LINGO2: variants seen among roughly 807,000 people sequenced by gnomAD.
LINGO2 encodes the protein leucine rich repeat and Ig domain containing 2, also known as leucine-rich repeat and immunoglobulin-like domain-containing nogo receptor-interacting protein 2.
Under a neutral mutation model 30.6 loss-of-function variants are expected in LINGO2, and 14 were observed. The ratio of observed to expected loss-of-function variants is 0.46; its 90% CI spans 0.30 to 0.72. The LOEUF is 0.72. Among genes scored for constraint, LINGO2 ranks in the 30% least tolerant of loss-of-function variants. The probability of loss-of-function intolerance (pLI) is 0.07; values close to 1 mark genes in which losing one functional copy is unlikely to be tolerated. For synonymous variants in LINGO2, 317 were observed against 288.5 expected (o/e 1.10, Z -1.00); for missense variants, 729 against 751.7 (o/e 0.97, Z 0.35).
the LINGO2 span, among the ~76,000 whole-genome samples, chr9:28,767,542 T>G: frequency 2.0e-5 from 3 of 151,984 alleles, no homozygotes; most frequent in African/African-American, 7.2e-5. Context: ...TCCCAGCACT[T>G]TGGGAGGCCG....
At chr9:29,119,554 A>C in the LINGO2 span, among the ~76,000 whole-genome samples, 7 of 150,716 alleles carry the variant, frequency 4.6e-5, no homozygotes, top group Admixed American at 1.3e-4. Flanking sequence ...CCCTAATTGA[A>C]TCATATTACA....
chr9:28,092,717 TA>T (rs1055257545), intron 4 of LINGO2, among the ~76,000 whole-genome samples: 3 of 151,202 alleles, frequency 2.0e-5, no homozygotes, highest in Non-Finnish European at 4.4e-5. Context: ...AAAGTAATAA[TA>T]AAAAAAGTAA....
At chr9:29,027,304 G>C in the LINGO2 span, among the ~76,000 whole-genome samples, 1 of 152,108 alleles carries the variant, frequency 6.6e-6, no homozygotes, top group Non-Finnish European at 1.5e-5. Context: ...CTTTGAATCT[G>C]TGAGGCAGAT....
the LINGO2 span, among the ~76,000 whole-genome samples, chr9:28,676,279 G>A: frequency 6.6e-6 from 1 of 151,852 alleles, no homozygotes; most frequent in Non-Finnish European, 1.5e-5. Context: ...ATTCGCTGGA[G>A]CAATAGAGAG....
chr9:27,954,730 G>T (rs951896859), intron 5 of LINGO2, among the ~76,000 whole-genome samples: 3 of 152,100 alleles, frequency 2.0e-5, no homozygotes, highest in Non-Finnish European at 2.9e-5. Context: ...ACCCAAGACT[G>T]GGAAGAAAAA....
chr9:27,986,305 CA>C (rs1207775998), intron 5 of LINGO2, among the ~76,000 whole-genome samples: 2 of 151,366 alleles, frequency 1.3e-5, no homozygotes, highest in Admixed American at 1.3e-4. Context: ...TAAACAAAAA[CA>C]AAAAAGAAAA....
At chr9:29,049,604 GTAC>G in the LINGO2 span, among the ~76,000 whole-genome samples, 78 of 152,092 alleles carry the variant, frequency 5.1e-4, no homozygotes, top group African/African-American at 1.8e-3. Flanking sequence ...ACACAATGAA[GTAC>G]TATTCAGTCA....
At chr9:29,136,508 T>C in the LINGO2 span, among the ~76,000 whole-genome samples, 15 of 152,196 alleles carry the variant, frequency 9.9e-5, no homozygotes, top group African/African-American at 2.2e-4. Context: ...AATATTTTTA[T>C]TACCTGACTC....
At chr9:28,751,848 T>G in the LINGO2 span, among the ~76,000 whole-genome samples, 5 of 151,992 alleles carry the variant, frequency 3.3e-5, no homozygotes, top group Non-Finnish European at 7.4e-5. Context: ...ATTTGGGGAC[T>G]GGGGAATCCA....
At chr9:28,568,455 A>G (rs892405084) in intron 1 of LINGO2, among the ~76,000 whole-genome samples, 1 of 152,048 alleles carries the variant, frequency 6.6e-6, no homozygotes, top group Non-Finnish European at 1.5e-5. Flanking sequence ...TAACAATCCC[A>G]CACATGTATT....
At chr9:28,021,818 A>C (rs982055945) in intron 4 of LINGO2, among the ~76,000 whole-genome samples, 1 of 151,836 alleles carries the variant, frequency 6.6e-6, no homozygotes, top group Non-Finnish European at 1.5e-5. Context: ...TAGTAGGAGC[A>C]CAGTAAAATT....
At chr9:28,056,129 C>G (rs953265526) in intron 4 of LINGO2, among the ~76,000 whole-genome samples, 1 of 152,144 alleles carries the variant, frequency 6.6e-6, no homozygotes, top group Non-Finnish European at 1.5e-5. Context: ...TACCGCCCTT[C>G]CTATTTATTG....
At chr9:29,127,863 A>C in the LINGO2 span, among the ~76,000 whole-genome samples, 1 of 152,170 alleles carries the variant, frequency 6.6e-6, no homozygotes, top group Non-Finnish European at 1.5e-5. Flanking sequence ...CAGGCGAATT[A>C]AACCCTCTTT....
At chr9:28,305,535 A>T (rs1275219365) in intron 3 of LINGO2, among the ~76,000 whole-genome samples, 4 of 152,058 alleles carry the variant, frequency 2.6e-5, no homozygotes, top group African/African-American at 9.7e-5. Flanking sequence ...TAGAAAAATT[A>T]CATACAAAAA....
intron 1 of LINGO2, among the ~76,000 whole-genome samples, chr9:28,573,014 C>T (rs943210303): frequency 6.6e-6 from 1 of 152,132 alleles, no homozygotes; most frequent in Non-Finnish European, 1.5e-5. Context: ...TCCACAGCTT[C>T]ATATACACAA....
intron 2 of LINGO2, among the ~76,000 whole-genome samples, chr9:28,439,928 C>G (rs184000920): frequency 6.6e-6 from 1 of 152,124 alleles, no homozygotes; most frequent in Non-Finnish European, 1.5e-5. Flanking sequence ...AGAGTGGCTT[C>G]TCTGAAATCC....
At chr9:28,479,845 C>CTGTGTG (rs528584169) in intron 1 of LINGO2, among the ~76,000 whole-genome samples, 8,591 of 59,368 alleles carry the variant, frequency 0.14, 599 homozygotes, top group Non-Finnish European at 0.21. Context: ...ACCATGTCAT[C>CTGTGTG]TGTGTGTGTG....
chr9:28,343,347 C>G (rs1418291395), intron 3 of LINGO2, among the ~76,000 whole-genome samples: 1 of 152,038 alleles, frequency 6.6e-6, no homozygotes, highest in South Asian at 2.1e-4. Context: ...TTCAAATAAA[C>G]AAATAAACAA....
At chr9:28,963,530 T>G in the LINGO2 span, among the ~76,000 whole-genome samples, 1 of 118,956 alleles carries the variant, frequency 8.4e-6, no homozygotes, top group African/African-American at 3.5e-5. Context: ...ATAAAGCAAA[T>G]GTGGTATATG....
Sources: gnomAD v4.1 joint callset for allele counts (sites outside exome capture counted in the v4.1 genomes callset) on GRCh38, gnomAD v4.1.1 for gene constraint, MANE v1.5 for transcripts, NCBI Gene and HGNC (gene_info 2026-07-23, HGNC 2026-07-21) for gene names.